Variants in CTNNA3 observed in about 807,000 individuals in gnomAD.
CTNNA3 encodes catenin alpha-3.
Under a neutral mutation model 95.7 loss-of-function variants are expected in CTNNA3, and 76 were observed. The ratio of observed to expected loss-of-function variants is 0.79; its 90% CI spans 0.66 to 0.96. The LOEUF is 0.96. Ranked by LOEUF, CTNNA3 falls within the 40% of genes least tolerant of loss-of-function variation. The pLI is 0.00. For synonymous variants in CTNNA3, 431 were observed against 374.4 expected (o/e 1.15, Z -1.74); for missense variants, 1,191 against 1,089.8 (o/e 1.09, Z -1.31).
At chr10:66,127,222 A>G (rs1357400158) in intron 13 of CTNNA3, among the ~76,000 whole-genome samples, 1 of 142,774 alleles carries the variant, frequency 7.0e-6, no homozygotes, top group Admixed American at 7.3e-5. Flanking sequence ...CAGTGAGCTG[A>G]GATCGCGCCA....
chr10:66,322,570 A>G (rs1010276266), intron 12 of CTNNA3, among the ~76,000 whole-genome samples: 7 of 152,116 alleles, frequency 4.6e-5, no homozygotes, highest in Non-Finnish European at 1.5e-5. Context: ...GATTTCCTGG[A>G]ATCTTTGGCT....
intron 12 of CTNNA3, among the ~76,000 whole-genome samples, chr10:66,344,296 C>T (rs867885052): frequency 6.6e-6 from 1 of 151,048 alleles, no homozygotes; most frequent in Non-Finnish European, 1.5e-5. Flanking sequence ...GAAAGAGTCT[C>T]GCTCTTGTCA....
chr10:67,720,871 T>A (rs565177768), intron 1 of CTNNA3, among the ~76,000 whole-genome samples: 1 of 152,228 alleles, frequency 6.6e-6, no homozygotes, highest in East Asian at 1.9e-4. Context: ...GGAGAATTGC[T>A]TGAATCTGGG....
At chr10:67,074,203 T>C (rs1461779582) in intron 7 of CTNNA3, among the ~76,000 whole-genome samples, 2 of 151,820 alleles carry the variant, frequency 1.3e-5, no homozygotes, top group Non-Finnish European at 2.9e-5. Flanking sequence ...CAGCTAATTT[T>C]TGTACTTTTA....
intron 17 of CTNNA3, among the ~76,000 whole-genome samples, chr10:65,960,695 C>T (rs2077825555): frequency 6.6e-6 from 1 of 152,136 alleles, no homozygotes; most frequent in South Asian, 2.1e-4. Flanking sequence ...TTAGAGACTC[C>T]AGTATCTACT....
intron 13 of CTNNA3, among the ~76,000 whole-genome samples, chr10:66,168,504 T>C (rs994917516): frequency 3.3e-5 from 5 of 152,180 alleles, no homozygotes; most frequent in African/African-American, 1.2e-4. Flanking sequence ...AACCTCAGAA[T>C]AGTAATAGCT....
intron 15 of CTNNA3, among the ~76,000 whole-genome samples, chr10:66,066,455 G>T (rs540551137): frequency 1.2e-4 from 19 of 152,276 alleles, no homozygotes; most frequent in Non-Finnish European, 2.4e-4. Context: ...GAGAAAGAGA[G>T]AAGCAGAGAC....
At chr10:66,266,126 A>G (rs1273327915) in intron 13 of CTNNA3, among the ~76,000 whole-genome samples, 1 of 109,646 alleles carries the variant, frequency 9.1e-6, no homozygotes, top group East Asian at 3.7e-4. Context: ...GAAGGAAGGA[A>G]AGAAGGAAGG....
chr10:67,165,661 T>A (rs981639617), intron 7 of CTNNA3, among the ~76,000 whole-genome samples: 4 of 152,200 alleles, frequency 2.6e-5, no homozygotes, highest in East Asian at 1.9e-4. Context: ...AAAGTTTTTT[T>A]AAAAATTTAG....
At chr10:67,003,168 T>G (rs1298128935) in intron 7 of CTNNA3, among the ~76,000 whole-genome samples, 1 of 152,182 alleles carries the variant, frequency 6.6e-6, no homozygotes, top group Admixed American at 6.5e-5. Context: ...CTTACCAGGA[T>G]GCCTGCTGAA....
intron 1 of CTNNA3, among the ~76,000 whole-genome samples, chr10:67,730,031 A>C (rs1213649059): frequency 2.0e-5 from 3 of 152,192 alleles, no homozygotes; most frequent in African/African-American, 7.2e-5. Flanking sequence ...ACCAAAAAAT[A>C]AATAATCCTG....
chr10:66,131,095 A>C (rs1280526597), intron 13 of CTNNA3, among the ~76,000 whole-genome samples: 1 of 151,782 alleles, frequency 6.6e-6, no homozygotes, highest in East Asian at 1.9e-4. Context: ...AGAAGAAGAA[A>C]AGCCCTGGAC....
At chr10:67,294,796 G>A (rs539178583) in intron 5 of CTNNA3, among the ~76,000 whole-genome samples, 57 of 152,110 alleles carry the variant, frequency 3.7e-4, no homozygotes, top group Non-Finnish European at 7.2e-4. Context: ...TGTTATACGT[G>A]GCAGGAAAAT....
chr10:66,360,735 TCTTTCTTTCTTCCTTCCTTC>T lies in CTNNA3; in HGVS notation c.1732+18397_1732+18416del, dbSNP rs1455830439. On this transcript the variant is annotated intron_variant, in intron 12 of 17. Coordinates refer to ENST00000433211, the MANE Select transcript of CTNNA3 (RefSeq NM_013266.4). ...TCCTTCCTTTCTTCCTTTCTTTCTT[TCTTTCTTTCTTCCTTCCTTC>T]CTTCCTTCCTTCCTTTTCTTTCTTT... 6.6e-4 allele frequency among the ~76,000 whole-genome samples: 58 copies of T among 88,286 alleles called. 10 individuals carry two copies. Among genetic ancestry groups the T allele is most frequent in the Admixed American group, 2.9e-3 (24 of 8,244 alleles). The allele number at this position is 88,286 out of a possible 152,430, so 57.9% of individuals were successfully genotyped here. A position where few individuals can be genotyped will look rare whatever the true frequency, so the allele number is the denominator to read the frequency against.
At chr10:66,234,216 C>T (rs1337741156) in intron 13 of CTNNA3, among the ~76,000 whole-genome samples, 1 of 151,962 alleles carries the variant, frequency 6.6e-6, no homozygotes, top group African/African-American at 2.4e-5. Context: ...TTTTATTTTA[C>T]ACTTCTTTTT....
rs950710222 is a variant in CTNNA3 at position 66,220,439 on chromosome 10, C to T, written c.1884+60031G>A. 5.3e-5 allele frequency among the ~76,000 whole-genome samples: 8 copies of T among 152,276 alleles called. No individual in the cohort carries two copies. The South Asian group carries it at 1.7e-3, about 32-fold the overall frequency. On this transcript the variant is annotated intron_variant, in intron 13 of 17. Coordinates refer to ENST00000433211, the MANE Select transcript of CTNNA3 (RefSeq NM_013266.4). ...CTTCTGGGCGCCAGCAGGGGCAGAA[C>T]TCTGTGTGGCCCCGTGGCAGAGTTT... is the stretch of plus-strand genomic sequence containing the variant.
chr10:66,267,891 C>A (rs557846974), intron 13 of CTNNA3, among the ~76,000 whole-genome samples: 3 of 152,024 alleles, frequency 2.0e-5, no homozygotes, highest in Non-Finnish European at 4.4e-5. Flanking sequence ...TAAAGTATGG[C>A]AATTTAATAT....
chr10:66,677,058 A>T (rs1269090712), intron 9 of CTNNA3, among the ~76,000 whole-genome samples: 1 of 152,088 alleles, frequency 6.6e-6, no homozygotes, highest in Non-Finnish European at 1.5e-5. Context: ...ATGGAAGGAA[A>T]CTAAGTTGGG....
intron 7 of CTNNA3, among the ~76,000 whole-genome samples, chr10:66,866,578 G>T (rs73325518): frequency 2.5e-4 from 38 of 152,226 alleles, no homozygotes; most frequent in African/African-American, 8.9e-4. Flanking sequence ...TTTGAAACAC[G>T]TATTTTATTT....
Sources: gnomAD v4.1 joint callset for allele counts (sites outside exome capture counted in the v4.1 genomes callset) on GRCh38, gnomAD v4.1.1 for gene constraint, MANE v1.5 for transcripts, NCBI Gene and HGNC (gene_info 2026-07-23, HGNC 2026-07-21) for gene names.